SEZ6L: variants seen among roughly 807,000 people sequenced by gnomAD.
SEZ6L encodes seizure related 6 homolog like, also known as seizure 6-like protein.
Under a neutral mutation model 106.2 loss-of-function variants are expected in SEZ6L, and 37 were observed. The ratio of observed to expected loss-of-function variants is 0.35; its 90% CI spans 0.27 to 0.46. The LOEUF is 0.46. Among genes scored for constraint, SEZ6L ranks in the 20% least tolerant of loss-of-function variants. SEZ6L has a pLI of 1.00. For synonymous variants in SEZ6L, 541 were observed against 570.4 expected (o/e 0.95, Z 0.73); for missense variants, 1,172 against 1,332.8 (o/e 0.88, Z 1.88).
chr22:26,348,672 AAGAAAGAAAGAAAGAAAGAAAG>A (rs2146012251), intron 11 of SEZ6L, among the ~76,000 whole-genome samples: 1 of 70,594 alleles, frequency 1.4e-5, no homozygotes, highest in African/African-American at 5.8e-5. Context: ...GAAAGAAAGA[AAGAAAGAAAGAAAGAAAGAAAG>A]AAAGAAAGAA....
At chr22:26,197,341 A>G (rs533073450) in intron 1 of SEZ6L, among the ~76,000 whole-genome samples, 12 of 152,318 alleles carry the variant, frequency 7.9e-5, no homozygotes, top group South Asian at 4.1e-4. Flanking sequence ...CTACGTGTAC[A>G]TTTACCTTCT....
chr22:26,266,590 TAAATAAATAAATAA>T (rs1268686990), intron 1 of SEZ6L, among the ~76,000 whole-genome samples: 14 of 70,184 alleles, frequency 2.0e-4, no homozygotes, highest in African/African-American at 1.1e-3. Flanking sequence ...AATAAATAAA[TAAATAAATAAATAA>T]ATAAATAAAT....
At chr22:26,249,686 A>G (rs933520364) in intron 1 of SEZ6L, among the ~76,000 whole-genome samples, 2 of 152,214 alleles carry the variant, frequency 1.3e-5, no homozygotes, top group African/African-American at 4.8e-5. Context: ...TCCTTTGGAT[A>G]TATACCTGAG....
chr22:26,356,800 T>A (rs1330851375), intron 12 of SEZ6L, among the ~76,000 whole-genome samples: 4 of 152,068 alleles, frequency 2.6e-5, no homozygotes, highest in Non-Finnish European at 5.9e-5. Context: ...TCCACATTGA[T>A]TTTGTCACAG....
intron 9 of SEZ6L, among the ~76,000 whole-genome samples, chr22:26,320,781 A>T (rs1183815020): frequency 6.6e-6 from 1 of 152,160 alleles, no homozygotes; most frequent in Non-Finnish European, 1.5e-5. Flanking sequence ...ACCAGGGTCT[A>T]TCTTGCCCCA....
At chr22:26,252,252 A>G (rs2145796362) in intron 1 of SEZ6L, among the ~76,000 whole-genome samples, 1 of 152,350 alleles carries the variant, frequency 6.6e-6, no homozygotes, top group Non-Finnish European at 1.5e-5. Flanking sequence ...ACCTAACTCT[A>G]GAAAGGAAGT....
At chr22:26,312,028 C>T (rs147984079) in intron 8 of SEZ6L, 66 bp downstream of exon 8, 3 of 1,493,634 alleles carry the variant, frequency 2.0e-6, no homozygotes, top group Admixed American at 1.8e-5. Context: ...ATGAGAAGAC[C>T]AAGGCCCCAG....
intron 11 of SEZ6L, among the ~76,000 whole-genome samples, chr22:26,350,655 CTTT>C (rs1181293548): frequency 7.7e-5 from 10 of 130,382 alleles, no homozygotes; most frequent in Non-Finnish European, 3.3e-5. Flanking sequence ...AGTTAGGAAA[CTTT>C]TTTTTTTTTT....
At chr22:26,369,667 G>T (rs890722571) in intron 13 of SEZ6L, among the ~76,000 whole-genome samples, 44 of 151,678 alleles carry the variant, frequency 2.9e-4, no homozygotes, top group African/African-American at 1.0e-3. Flanking sequence ...GAGAACAAGG[G>T]GTCCTTTTGA....
At chr22:26,272,346 A>G (rs905016213) in intron 1 of SEZ6L, among the ~76,000 whole-genome samples, 1 of 152,234 alleles carries the variant, frequency 6.6e-6, no homozygotes, top group Non-Finnish European at 1.5e-5. Flanking sequence ...AGATATGCTT[A>G]GGACCATGTG....
chr22:26,235,447 A>G lies in SEZ6L; in HGVS notation c.95-56959A>G, dbSNP rs796126854. ...TGCTAGGTACTAGGAACACAGTGTT[A>G]TATAAGATACAGCCACTGCTGCTGC... On this transcript the variant is annotated intron_variant, in intron 1 of 16. Transcript: ENST00000248933. Among the ~76,000 whole-genome samples, 6 of 152,318 alleles carry G rather than the reference A, an allele frequency of 3.9e-5. 1 individual carries two copies. The highest frequency in any genetic ancestry group is 1.4e-4 in the African/African-American group (6 of 41,572).
intron 1 of SEZ6L, among the ~76,000 whole-genome samples, chr22:26,191,093 T>C (rs1940170603): frequency 6.6e-6 from 1 of 152,204 alleles, no homozygotes; most frequent in African/African-American, 2.4e-5. Flanking sequence ...AACACTATCC[T>C]ATAAATGTAG....
chr22:26,289,866 C>T (rs1187636089), intron 1 of SEZ6L, among the ~76,000 whole-genome samples: 3 of 152,184 alleles, frequency 2.0e-5, no homozygotes, highest in Non-Finnish European at 2.9e-5. Context: ...GCTATCAGTC[C>T]GAGGGCCTTT....
chr22:26,345,587 C>A (rs547132722), intron 10 of SEZ6L, among the ~76,000 whole-genome samples: 1 of 152,270 alleles, frequency 6.6e-6, no homozygotes, highest in East Asian at 1.9e-4. Flanking sequence ...CCTGTCCCCC[C>A]ACCAAGCAAT....
In SEZ6L at chr22:26,310,675, C is replaced by G; in HGVS notation, c.1520C>G (p.Thr507Arg). The change falls in exon 7 of 17, where the codon ACG (threonine) becomes AGG (arginine). Residue 507 changes from threonine to arginine, a missense_variant. Physicochemically the swap from Thr to Arg is moderately conservative, Grantham distance 71 (BLOSUM62 -1). Transcript: ENST00000248933. ...CTCTCTGCTCCCACTGCCAGGATGACGGTTCACAGCGGGCAGACCAACAAG... is the reference window on the plus strand; with the variant it reads ...CTCTCTGCTCCCACTGCCAGGATGAGGGTTCACAGCGGGCAGACCAACAAG... ...RLLLHDKDRM[T>R]VHSGQTNKSA... The G allele has an allele frequency of 6.2e-7, 1 of 1,614,040 alleles. No homozygotes were observed. The highest frequency in any genetic ancestry group is 8.5e-7 in the Non-Finnish European group (1 of 1,179,976).
At chr22:26,329,469 A>G (rs997439045) in intron 9 of SEZ6L, among the ~76,000 whole-genome samples, 3 of 141,514 alleles carry the variant, frequency 2.1e-5, no homozygotes, top group Non-Finnish European at 4.8e-5. Flanking sequence ...CACCATCTTT[A>G]AAAAAAAAGA....
At chr22:26,244,851 G>A (rs2079275762) in intron 1 of SEZ6L, among the ~76,000 whole-genome samples, 1 of 152,310 alleles carries the variant, frequency 6.6e-6, no homozygotes, top group South Asian at 2.1e-4. Flanking sequence ...CAGACTGATG[G>A]GATTTCAGTG....
At chr22:26,181,344 C>G (rs1023332744) in intron 1 of SEZ6L, among the ~76,000 whole-genome samples, 1 of 152,170 alleles carries the variant, frequency 6.6e-6, no homozygotes, top group African/African-American at 2.4e-5. Flanking sequence ...CTTCTATGCC[C>G]CCTTTTAAAG....
At chr22:26,184,080 A>G (rs937305121) in intron 1 of SEZ6L, among the ~76,000 whole-genome samples, 4 of 152,196 alleles carry the variant, frequency 2.6e-5, no homozygotes, top group African/African-American at 9.6e-5. Context: ...TTATCCTGAC[A>G]TTGACATTTT....
Sources: gnomAD v4.1 joint callset for allele counts (sites outside exome capture counted in the v4.1 genomes callset) on GRCh38, gnomAD v4.1.1 for gene constraint, MANE v1.5 for transcripts, NCBI Gene and HGNC (gene_info 2026-07-23, HGNC 2026-07-21) for gene names.